TJP1: variants seen among roughly 807,000 people sequenced by gnomAD.
The protein encoded by TJP1 is tight junction protein 1, also known as tight junction protein ZO-1.
A neutral mutation model predicts 194.2 loss-of-function variants in TJP1; 43 were observed. The observed-to-expected ratio is 0.22, with a 90% CI of 0.17 to 0.29. The LOEUF is 0.29. Ranked by LOEUF, TJP1 falls within the 10% of genes least tolerant of loss-of-function variation. The pLI is 1.00. For missense variants in TJP1, 1,971 were observed against 2,185.7 expected (o/e 0.90, Z 1.96); for synonymous variants, 801 against 779.0 (o/e 1.03, Z -0.47).
rs1163844858 is a variant in TJP1 at position 29,719,055 on chromosome 15, G to C, written c.3087C>G (p.His1029Gln). The C allele has an allele frequency of 1.2e-6, 2 of 1,614,060 alleles. No homozygotes were observed. The highest frequency in any genetic ancestry group is 1.7e-6 in the Non-Finnish European group (2 of 1,180,046). The stretch of plus-strand genomic sequence containing the variant: ...TCAGATTAGGCTCTTTGTCTGGCCT[G>C]TGCCCTGGGTGACTAACGGCTGGCT... ...LKQPAVSHPG[H>Q]RPDKEPNLTY... The change falls in exon 21 of 28, where the codon CAC (histidine) becomes CAG (glutamine). Residue 1029 changes from histidine to glutamine, a missense_variant. His to Gln is a conservative substitution (Grantham distance 24, BLOSUM62 0). Coordinates refer to ENST00000614355, the MANE Select transcript of TJP1 (RefSeq NM_001330239.4).
chr15:29,745,735 G>A (rs1165871865), intron 8 of TJP1, among the ~76,000 whole-genome samples: 3 of 152,074 alleles, frequency 2.0e-5, no homozygotes, highest in Non-Finnish European at 4.4e-5. Flanking sequence ...CCATGTTTTC[G>A]CAGGCAAATA....
At chr15:29,957,690 G>GTAGGATTTCCCACC (rs2055999579) in intron 1 of TJP1, among the ~76,000 whole-genome samples, 1 of 152,082 alleles carries the variant, frequency 6.6e-6, no homozygotes, top group African/African-American at 2.4e-5. Flanking sequence ...GTTTTCCTAT[G>GTAGGATTTCCCACC]TTTGTTACCA....
intron 1 of TJP1, among the ~76,000 whole-genome samples, chr15:29,813,085 G>A (rs2049642843): frequency 6.6e-6 from 1 of 152,064 alleles, no homozygotes; most frequent in African/African-American, 2.4e-5. Flanking sequence ...TTGAAAGGCA[G>A]ACTCATTTTT....
intron 2 of TJP1, among the ~76,000 whole-genome samples, chr15:29,914,819 T>A (rs891485720): frequency 6.6e-6 from 1 of 151,860 alleles, no homozygotes; most frequent in Non-Finnish European, 1.5e-5. Context: ...TACGGCACGC[T>A]TGGGCCATCT....
intron 2 of TJP1, among the ~76,000 whole-genome samples, chr15:29,792,358 T>C (rs376391861): frequency 6.6e-6 from 1 of 152,250 alleles, no homozygotes; most frequent in African/African-American, 2.4e-5. Context: ...TTGCAGACTG[T>C]CCTTTCCCCA....
chr15:29,730,693 G>A (rs1468164417), intron 15 of TJP1: 7 of 753,518 alleles, frequency 9.3e-6, no homozygotes, highest in Admixed American at 3.5e-5. Flanking sequence ...CAGCACCTAC[G>A]TCCTGTCGCC....
chr15:29,858,699 C>T (rs1021207438), intron 2 of TJP1, among the ~76,000 whole-genome samples: 14 of 151,728 alleles, frequency 9.2e-5, no homozygotes, highest in African/African-American at 3.4e-4. Context: ...CACACTCCAC[C>T]GTGCCCAGCT....
intron 1 of TJP1, among the ~76,000 whole-genome samples, chr15:29,818,813 T>A (rs1436959427): frequency 1.3e-5 from 2 of 151,400 alleles, no homozygotes; most frequent in East Asian, 3.9e-4. Context: ...CCACGTTTTT[T>A]CCTTCATTAC....
chr15:29,875,251 G>A (rs149442065), intron 2 of TJP1, among the ~76,000 whole-genome samples: 74 of 152,290 alleles, frequency 4.9e-4, no homozygotes, highest in African/African-American at 1.5e-3. Flanking sequence ...GTGGCCATCC[G>A]CAGAATAGGC....
chr15:29,889,500 T>C (rs2053233485), intron 2 of TJP1, among the ~76,000 whole-genome samples: 1 of 152,184 alleles, frequency 6.6e-6, no homozygotes, highest in Non-Finnish European at 1.5e-5. Flanking sequence ...TCTTATAAAT[T>C]GAAAAGGAAA....
chr15:29,730,700 C>T (rs1013866828), intron 15 of TJP1: 8 of 759,060 alleles, frequency 1.1e-5, no homozygotes, highest in Non-Finnish European at 1.7e-5. Flanking sequence ...TACGTCCTGT[C>T]GCCACCGCCA....
At chr15:29,736,085 A>C (rs1171503535) in intron 11 of TJP1, among the ~76,000 whole-genome samples, 1 of 152,172 alleles carries the variant, frequency 6.6e-6, no homozygotes, top group African/African-American at 2.4e-5. Context: ...TCTAAGGAAA[A>C]AAGTACTTCA....
intron 27 of TJP1, 23 bp from the exon 28 acceptor site, chr15:29,701,712 G>C: frequency 1.3e-6 from 2 of 1,561,736 alleles, no homozygotes; most frequent in Non-Finnish European, 1.8e-6. Flanking sequence ...AGAAGTTGAT[G>C]TCATTTACAG....
chr15:29,822,168 G>A lies in TJP1; in HGVS notation c.-140C>T. 4.2e-6 allele frequency: 5 copies of A among 1,180,276 alleles called. No individual in the cohort carries two copies. Among genetic ancestry groups the A allele is most frequent in the Non-Finnish European group, 5.2e-6 (5 of 954,098 alleles). 73.1% of individuals were successfully genotyped at this position (1,180,276 alleles called of 1,614,324 possible). ...CGGGCGGGGGCGGCCGGAAGGGCCC[G>A]GCCCAGGGGGAGGGAATTCAACTCG... On this transcript the variant is annotated 5_prime_UTR_variant, in exon 1 of 28. Transcript: ENST00000614355.
chr15:29,739,415 G>A (rs2044246622), intron 10 of TJP1, among the ~76,000 whole-genome samples: 1 of 152,104 alleles, frequency 6.6e-6, no homozygotes, highest in African/African-American at 2.4e-5. Context: ...CTTGGTATTT[G>A]TTCTCCCAGG....
intron 2 of TJP1, among the ~76,000 whole-genome samples, chr15:29,798,452 GCATTTCCTT>G (rs1268605829): frequency 6.6e-6 from 1 of 152,080 alleles, no homozygotes; most frequent in Admixed American, 6.6e-5. Flanking sequence ...GTTCCAATGA[GCATTTCCTT>G]TAAACATGAC....
chr15:29,864,152 G>A (rs914805483), intron 2 of TJP1, among the ~76,000 whole-genome samples: 7 of 151,022 alleles, frequency 4.6e-5, no homozygotes, highest in Non-Finnish European at 7.4e-5. Context: ...TCAGCACTTC[G>A]GGAGGCCGAG....
chr15:29,743,100 T>C (rs1595720783), intron 8 of TJP1: 2 of 184,868 alleles, frequency 1.1e-5, no homozygotes, highest in East Asian at 2.6e-4. Context: ...TGTCCACAAA[T>C]GTAGAAAAAT....
intron 2 of TJP1, among the ~76,000 whole-genome samples, chr15:29,899,597 C>T (rs1011582143): frequency 3.9e-5 from 6 of 152,180 alleles, no homozygotes; most frequent in Non-Finnish European, 8.8e-5. Flanking sequence ...GTGGAGCCCT[C>T]TGAACCCCAA....
Sources: allele counts gnomAD v4.1 joint callset (sites outside exome capture counted in the v4.1 genomes callset), GRCh38; gene constraint gnomAD v4.1.1; transcripts MANE v1.5; gene names NCBI Gene and HGNC (gene_info 2026-07-23, HGNC 2026-07-21).